Variants in PIGK observed in about 807,000 individuals in gnomAD.
PIGK encodes GPI-anchor transamidase.
PIGK carries 42 observed loss-of-function variants against 50.6 expected under a neutral mutation model. That is an observed-to-expected ratio of 0.83 (90% CI 0.65 to 1.07). PIGK has a LOEUF of 1.07. Ranked by LOEUF, PIGK falls within the 50% of genes least tolerant of loss-of-function variation. The probability of loss-of-function intolerance (pLI) is 0.00; values close to 1 mark genes in which losing one functional copy is unlikely to be tolerated. For missense variants in PIGK, 448 were observed against 488.7 expected (o/e 0.92, Z 0.78); for synonymous variants, 151 against 156.0 (o/e 0.97, Z 0.24).
intron 9 of PIGK, among the ~76,000 whole-genome samples, chr1:77,141,127 T>C (rs1259730039): frequency 1.3e-5 from 2 of 152,308 alleles, no homozygotes; most frequent in Non-Finnish European, 1.5e-5. Flanking sequence ...TTAATTTTAA[T>C]AAAACCCAGT....
intron 8 of PIGK, among the ~76,000 whole-genome samples, chr1:77,160,758 C>A (rs184699173): frequency 2.0e-5 from 3 of 152,214 alleles, no homozygotes; most frequent in Admixed American, 1.3e-4. Flanking sequence ...GGAAAAAAAT[C>A]TAAATTAAAT....
At chr1:77,180,275 C>T (rs1463663039) in intron 3 of PIGK, among the ~76,000 whole-genome samples, 1 of 152,062 alleles carries the variant, frequency 6.6e-6, no homozygotes, top group African/African-American at 2.4e-5. Flanking sequence ...TCTCTCAACA[C>T]AAAGCCAAAA....
At chr1:77,120,343 C>T (rs1443412135) in intron 10 of PIGK, among the ~76,000 whole-genome samples, 3 of 152,088 alleles carry the variant, frequency 2.0e-5, no homozygotes, top group East Asian at 3.9e-4. Flanking sequence ...CTCAGCCTCC[C>T]GAGTAGGTGG....
At chr1:77,102,547 G>T (rs1193705707) in intron 10 of PIGK, among the ~76,000 whole-genome samples, 1 of 152,098 alleles carries the variant, frequency 6.6e-6, no homozygotes, top group Admixed American at 6.6e-5. Flanking sequence ...GATGTGGGTG[G>T]TCTCTAGAAG....
At chr1:77,160,096 A>T (rs571586858) in intron 8 of PIGK, among the ~76,000 whole-genome samples, 6 of 152,068 alleles carry the variant, frequency 3.9e-5, no homozygotes, top group African/African-American at 1.4e-4. Context: ...TGGGGCAGTT[A>T]CTCTCATGCT....
rs772948495 is a variant in PIGK, at chr1:77,169,375, G to A, written c.260C>T (p.Ala87Val). 5 of 1,603,040 alleles carry A rather than the reference G, an allele frequency of 3.1e-6. No individual in the cohort carries two copies. The highest frequency in any genetic ancestry group is 4.3e-6 in the Non-Finnish European group (5 of 1,175,324). Residue 87 changes from alanine to valine, a missense_variant, in exon 4 of 11, where the codon GCA becomes GTA. Ala to Val is a moderately conservative substitution (Grantham distance 64). Transcript: ENST00000370812. ...IPDSHIVLMLADDMACNPRNP... is the reference protein window; with the variant it reads ...IPDSHIVLMLVDDMACNPRNP... ...TCTAGGATTACAGGCCATATCATCTGCAAGCATTAGGACAATGTGACTAGG... is the reference window on the plus strand; with the variant it reads ...TCTAGGATTACAGGCCATATCATCTACAAGCATTAGGACAATGTGACTAGG...
intron 3 of PIGK, among the ~76,000 whole-genome samples, chr1:77,205,903 T>C (rs560585074): frequency 6.6e-6 from 1 of 152,258 alleles, no homozygotes; most frequent in African/African-American, 2.4e-5. Context: ...AGTCTTCATA[T>C]AAAGCAAAGC....
intron 10 of PIGK, among the ~76,000 whole-genome samples, chr1:77,096,786 C>T (rs1261789199): frequency 2.6e-5 from 4 of 151,576 alleles, no homozygotes; most frequent in South Asian, 2.1e-4. Context: ...ACATCCACAG[C>T]GGTGACAACG....
chr1:77,208,448 T>G (rs1024497809), intron 2 of PIGK, among the ~76,000 whole-genome samples: 11 of 152,186 alleles, frequency 7.2e-5, no homozygotes, highest in African/African-American at 2.2e-4. Flanking sequence ...TGTGTCAGTA[T>G]AAGCTAACAG....
chr1:77,169,222 A>T (rs762861183), intron 4 of PIGK, 38 bp downstream of exon 4: 1 of 1,364,768 alleles, frequency 7.3e-7, no homozygotes, highest in Non-Finnish European at 9.9e-7. Flanking sequence ...AAAAGTAACA[A>T]TGCCATTTTA....
chr1:77,157,340 G>T (rs568487127), intron 8 of PIGK, among the ~76,000 whole-genome samples: 1 of 152,094 alleles, frequency 6.6e-6, no homozygotes. Flanking sequence ...AGGTGGTAGG[G>T]TAAGATGAGG....
At chr1:77,103,477 T>C (rs1358840184) in intron 10 of PIGK, among the ~76,000 whole-genome samples, 1 of 152,238 alleles carries the variant, frequency 6.6e-6, no homozygotes, top group African/African-American at 2.4e-5. Context: ...AGGAATTATC[T>C]GCCCATCTTG....
Position 77,210,457 on chromosome 1 carries a change from A to G in PIGK, c.126T>C (p.His42=). ...DQAEQFFRSG[H]TNNWAVLVCT... is the part of the protein sequence containing the mutation. ...TTACCAGAACAGCCCAGTTGTTTGT[A>G]TGGCCACTTCTAAAGAATTGTTCTG... is the stretch of plus-strand genomic sequence containing the variant. Residue 42 remains histidine (H), a synonymous_variant, in exon 2 of 11, where the codon CAT becomes CAC. Coordinates refer to ENST00000370812, the MANE Select transcript of PIGK (RefSeq NM_005482.3). 1 of 1,595,200 alleles carries G rather than the reference A, an allele frequency of 6.3e-7. No homozygotes were observed. The highest frequency in any genetic ancestry group is 8.6e-7 in the Non-Finnish European group (1 of 1,167,942).
chr1:77,134,307 C>T (rs1015797368), intron 9 of PIGK, among the ~76,000 whole-genome samples: 2 of 152,184 alleles, frequency 1.3e-5, no homozygotes. Flanking sequence ...AGATGTTTAT[C>T]TCCTCAGTAA....
chr1:77,172,804 CT>C (rs1655397303), intron 3 of PIGK, among the ~76,000 whole-genome samples: 1 of 151,964 alleles, frequency 6.6e-6, no homozygotes, highest in Non-Finnish European at 1.5e-5. Flanking sequence ...GGTGCCTGTA[CT>C]CCCAGCTACT....
intron 1 of PIGK, 147 bp from the exon 2 acceptor site, chr1:77,210,636 G>GGCC (rs1288205914): frequency 1.8e-6 from 1 of 545,598 alleles, no homozygotes; most frequent in Admixed American, 3.7e-5. Flanking sequence ...TTGTCATTAT[G>GGCC]GACTACACAA....
intron 10 of PIGK, among the ~76,000 whole-genome samples, chr1:77,111,858 G>C (rs1048545670): frequency 5.3e-5 from 8 of 151,970 alleles, no homozygotes; most frequent in African/African-American, 1.9e-4. Context: ...AAACACCTTA[G>C]TAAATCAAAA....
chr1:77,116,593 T>C (rs1210498999), intron 10 of PIGK, among the ~76,000 whole-genome samples: 1,744 of 68,574 alleles, frequency 0.025, 33 homozygotes, highest in African/African-American at 0.11. Context: ...TGTGTGTGTG[T>C]GTGCGCGTGT....
Position 77,129,160 on chromosome 1 carries a change from A to C in PIGK, c.987-6801T>G, listed in dbSNP as rs1654300046. On this transcript the variant is annotated intron_variant, in intron 9 of 10. Transcript: ENST00000370812. ...CCGGAGAACCCCACGAAATCATGCA[A>C]ATCAAGAGGTTCCAATCTTCGTGTT... 3 of 1,539,878 alleles carry C rather than the reference A, an allele frequency of 1.9e-6. No homozygotes were observed. The East Asian group carries it at 6.7e-5, about 35-fold the overall frequency.
Sources: gnomAD v4.1 joint callset for allele counts (sites outside exome capture counted in the v4.1 genomes callset) on GRCh38, gnomAD v4.1.1 for gene constraint, MANE v1.5 for transcripts, NCBI Gene and HGNC (gene_info 2026-07-23, HGNC 2026-07-21) for gene names.